The following CCDC73 variants were observed in gnomAD, a reference collection of about 807,000 sequenced individuals.
The protein encoded by CCDC73 is coiled-coil domain containing 73.
A neutral mutation model predicts 116.5 loss-of-function variants in CCDC73; 95 were observed. The observed-to-expected ratio is 0.82, with a 90% CI of 0.69 to 0.97. The LOEUF (loss-of-function observed/expected upper bound fraction) is 0.97, where lower values mean the gene tolerates loss of function less well. CCDC73 is among the 50% of genes least tolerant of loss of function. The pLI, the probability that CCDC73 is intolerant of heterozygous loss-of-function variation, is 0.00. For synonymous variants in CCDC73, 398 were observed against 401.3 expected, an observed-to-expected ratio of 0.99 and a Z score of 0.10; for missense variants, 1,066 against 1,206.8, an observed-to-expected ratio of 0.88 and a Z score of 1.73.
intron 3 of CCDC73, among the ~76,000 whole-genome samples, chr11:32,704,100 A>G (rs1197261639): frequency 6.6e-6 from 1 of 152,182 alleles, no homozygotes; most frequent in Non-Finnish European, 1.5e-5. Context: ...GGGGGCTGGG[A>G]ACAGGTGATC....
At chr11:32,786,821 A>C (rs959260934) in intron 1 of CCDC73, among the ~76,000 whole-genome samples, 1 of 152,154 alleles carries the variant, frequency 6.6e-6, no homozygotes, top group African/African-American at 2.4e-5. Flanking sequence ...TTACACTGTC[A>C]TTCTACTTAA....
At chr11:32,632,553 A>G (rs1015665966) in intron 14 of CCDC73, among the ~76,000 whole-genome samples, 4 of 152,122 alleles carry the variant, frequency 2.6e-5, no homozygotes, top group Admixed American at 6.5e-5. Context: ...ATAAATGTCA[A>G]TTAGGCCAAG....
the CCDC73 span, among the ~76,000 whole-genome samples, chr11:32,816,801 G>C: frequency 6.6e-6 from 1 of 151,544 alleles, no homozygotes; most frequent in African/African-American, 2.4e-5. Flanking sequence ...TTTATTTTTT[G>C]AGATGGAGTT....
chr11:32,676,053 A>G (rs2133287892), intron 7 of CCDC73, 32 bp from the exon 8 acceptor site: 2 of 1,534,478 alleles, frequency 1.3e-6, no homozygotes, highest in Non-Finnish European at 1.8e-6. Flanking sequence ...AATGTTATAC[A>G]TATAACACAC....
intron 6 of CCDC73, among the ~76,000 whole-genome samples, chr11:32,689,425 C>G (rs1856234080): frequency 6.6e-6 from 1 of 151,996 alleles, no homozygotes; most frequent in African/African-American, 2.4e-5. Flanking sequence ...GGAAGATTTA[C>G]AATGAAGGAG....
intron 1 of CCDC73, among the ~76,000 whole-genome samples, chr11:32,782,939 G>T (rs1306513298): frequency 6.6e-6 from 1 of 152,128 alleles, no homozygotes; most frequent in African/African-American, 2.4e-5. Context: ...AAAATTAGAG[G>T]ATTAATCCAG....
At chr11:32,736,049 T>A (rs1850126543) in intron 2 of CCDC73, among the ~76,000 whole-genome samples, 1 of 151,964 alleles carries the variant, frequency 6.6e-6, no homozygotes, top group Admixed American at 6.6e-5. Flanking sequence ...CCTAAAACCA[T>A]AAAAACCCTA....
intron 1 of CCDC73, among the ~76,000 whole-genome samples, chr11:32,762,993 G>A (rs570062927): frequency 3.0e-4 from 45 of 152,304 alleles, no homozygotes; most frequent in African/African-American, 3.8e-4. Flanking sequence ...ATGGAGCCTC[G>A]CTCATTTCTA....
intron 14 of CCDC73, among the ~76,000 whole-genome samples, chr11:32,616,489 G>T (rs1855475727): frequency 6.6e-6 from 1 of 152,076 alleles, no homozygotes; most frequent in Admixed American, 6.6e-5. Flanking sequence ...TTTTTTAAGA[G>T]ATGAGTTCTT....
At position 32,675,550 on chromosome 11, in the gene CCDC73, C is replaced by A; in HGVS notation, c.645+15G>T. 6.9e-7 allele frequency: 1 copy of A among 1,458,534 alleles called. No individual in the cohort carries two copies. The allele number at this position is 1,458,534 out of a possible 1,614,324, so 90.3% of individuals were successfully genotyped here. On this transcript the variant is annotated intron_variant, in intron 9 of 17. Coordinates refer to ENST00000335185, the MANE Select transcript of CCDC73 (RefSeq NM_001008391.4). ...ATAATTTTTACTTAGTAGTGTGAAA[C>A]TGTATCAATCATACCTTCTTTAAAC...
chr11:32,768,162 G>A (rs1850459958), intron 1 of CCDC73, among the ~76,000 whole-genome samples: 1 of 152,208 alleles, frequency 6.6e-6, no homozygotes, highest in African/African-American at 2.4e-5. Flanking sequence ...ATGAGTTCAT[G>A]TCCTTTGTAG....
chr11:32,668,589 A>G lies in CCDC73; in HGVS notation c.645+6976T>C, dbSNP rs143289496. Among the ~76,000 whole-genome samples the G allele has an allele frequency of 1.9e-3, 287 of 152,310 alleles. 1 individual carries two copies. Among genetic ancestry groups the G allele is most frequent in the African/African-American group, 6.8e-3 (283 of 41,576 alleles). On this transcript the variant is annotated intron_variant, in intron 9 of 17. Transcript: ENST00000335185. ...AGCAGTCATATCACTCAAGCATACT[A>G]TTGTTAATGACACAAAGGTTCATGG... is the stretch of plus-strand genomic sequence containing the variant.
At chr11:32,771,746 G>A (rs1033549248) in intron 1 of CCDC73, among the ~76,000 whole-genome samples, 4 of 152,104 alleles carry the variant, frequency 2.6e-5, no homozygotes, top group Non-Finnish European at 4.4e-5. Context: ...ATGTAAAAGA[G>A]GTAAACTGAT....
At chr11:32,742,107 C>T (rs193202938) in intron 2 of CCDC73, among the ~76,000 whole-genome samples, 1,819 of 152,144 alleles carry the variant, frequency 0.012, 36 homozygotes, top group African/African-American at 0.042. Flanking sequence ...TGAATAGTGC[C>T]GCAATAAACA....
chr11:32,798,392 C>T (rs1400334635), upstream of CCDC73, among the ~76,000 whole-genome samples: 1 of 152,184 alleles, frequency 6.6e-6, no homozygotes, highest in Non-Finnish European at 1.5e-5. Flanking sequence ...CTCCTGGGCC[C>T]CAGGGGTTCT....
chr11:32,763,510 G>C (rs1392794620), intron 1 of CCDC73, among the ~76,000 whole-genome samples: 6 of 152,230 alleles, frequency 3.9e-5, no homozygotes, highest in Non-Finnish European at 8.8e-5. Context: ...AAAGGGTCTT[G>C]AGTGGACCTC....
intron 2 of CCDC73, among the ~76,000 whole-genome samples, chr11:32,721,596 CTTT>C (rs751028003): frequency 1.4e-5 from 2 of 140,974 alleles, no homozygotes; most frequent in Non-Finnish European, 1.6e-5. Context: ...CTATGACTCA[CTTT>C]TTTTTTTTTT....
chr11:32,728,828 C>G (rs1310942020), intron 2 of CCDC73, among the ~76,000 whole-genome samples: 1 of 152,116 alleles, frequency 6.6e-6, no homozygotes, highest in African/African-American at 2.4e-5. Flanking sequence ...CCTCAGCCTC[C>G]CAAGTAGCTG....
intron 3 of CCDC73, among the ~76,000 whole-genome samples, chr11:32,716,224 G>A (rs931097890): frequency 6.6e-6 from 1 of 152,028 alleles, no homozygotes; most frequent in Non-Finnish European, 1.5e-5. Flanking sequence ...AGTTGGTAAA[G>A]GTAGGAATCT....
Sources: allele counts gnomAD v4.1 joint callset (sites outside exome capture counted in the v4.1 genomes callset), GRCh38; gene constraint gnomAD v4.1.1; transcripts MANE v1.5; gene names NCBI Gene and HGNC (gene_info 2026-07-23, HGNC 2026-07-21).